Variants in DLG2 observed in about 807,000 individuals in gnomAD.
DLG2 encodes the protein disks large homolog 2.
DLG2 carries 45 observed loss-of-function variants against 132.5 expected under a neutral mutation model. The observed-to-expected ratio is 0.34, with a 90% CI of 0.27 to 0.44. The LOEUF is 0.44. Ranked by LOEUF, DLG2 falls within the 20% of genes least tolerant of loss-of-function variation. The pLI is 1.00. For synonymous variants in DLG2, 424 were observed against 419.6 expected (o/e 1.01, Z -0.13); for missense variants, 1,045 against 1,196.9 (o/e 0.87, Z 1.87).
intron 4 of DLG2, among the ~76,000 whole-genome samples, chr11:85,264,493 G>T (rs193226688): frequency 6.6e-6 from 1 of 152,302 alleles, no homozygotes; most frequent in East Asian, 1.9e-4. Context: ...CAACAGGACA[G>T]GTGTTTAGGT....
chr11:85,200,190 T>G (rs2081362278), intron 4 of DLG2, among the ~76,000 whole-genome samples: 1 of 152,132 alleles, frequency 6.6e-6, no homozygotes. Flanking sequence ...ACAATTGTGC[T>G]CCAGGGTTCA....
In DLG2 at chr11:84,298,962, T is replaced by C. The variant is rs531528656; in HGVS notation, c.520-47671A>G. On this transcript the variant is annotated intron_variant, in intron 7 of 27. Transcript: ENST00000376104. ...TGCTTTGCTAGGGAATCCAGTTTTA[T>C]TTTGTAAACTAGTGGTTGGCAATCT... 4.3e-4 allele frequency among the ~76,000 whole-genome samples: 65 copies of C among 152,344 alleles called. 1 individual carries two copies. The highest frequency in any genetic ancestry group is 1.5e-3 in the African/African-American group (63 of 41,582).
At chr11:85,442,769 C>A (rs970947671) in intron 3 of DLG2, among the ~76,000 whole-genome samples, 3 of 152,068 alleles carry the variant, frequency 2.0e-5, no homozygotes, top group African/African-American at 7.2e-5. Flanking sequence ...GTAGTCCCAG[C>A]TATTCAGGAA....
chr11:85,323,189 A>G (rs2081200828), intron 3 of DLG2, among the ~76,000 whole-genome samples: 1 of 152,186 alleles, frequency 6.6e-6, no homozygotes, highest in Admixed American at 6.5e-5. Flanking sequence ...TTGACCTAAT[A>G]TTAGTATTCT....
At chr11:84,354,788 T>C (rs1177599119) in intron 7 of DLG2, among the ~76,000 whole-genome samples, 1 of 152,124 alleles carries the variant, frequency 6.6e-6, no homozygotes, top group East Asian at 1.9e-4. Context: ...AAATGCGGTT[T>C]GACTAGGTTG....
At chr11:84,341,988 T>C (rs576251938) in intron 7 of DLG2, among the ~76,000 whole-genome samples, 1 of 152,348 alleles carries the variant, frequency 6.6e-6, no homozygotes, top group African/African-American at 2.4e-5. Flanking sequence ...CATTCTTTAA[T>C]TCAGTTACTT....
At chr11:84,940,488 C>T (rs1202098027) in intron 6 of DLG2, among the ~76,000 whole-genome samples, 3 of 152,150 alleles carry the variant, frequency 2.0e-5, no homozygotes, top group East Asian at 1.9e-4. Context: ...ATGTTGAGCA[C>T]CTTTTCAAAT....
chr11:84,909,600 G>T (rs762001961), intron 6 of DLG2, among the ~76,000 whole-genome samples: 1 of 151,918 alleles, frequency 6.6e-6, no homozygotes. Context: ...GGTCATCTAC[G>T]GCCCAATTAT....
At chr11:83,473,128 A>G (rs937426432) in intron 22 of DLG2, among the ~76,000 whole-genome samples, 1 of 152,130 alleles carries the variant, frequency 6.6e-6, no homozygotes, top group South Asian at 2.1e-4. Flanking sequence ...GTCCAATTCA[A>G]TAGATGGCTG....
intron 21 of DLG2, among the ~76,000 whole-genome samples, chr11:83,527,205 T>C (rs1192820459): frequency 6.6e-6 from 1 of 152,184 alleles, no homozygotes; most frequent in Non-Finnish European, 1.5e-5. Flanking sequence ...ATGCCCAAGT[T>C]AGGTTTTGAC....
At chr11:85,533,458 C>CAT (rs34379979) in intron 3 of DLG2, among the ~76,000 whole-genome samples, 26,690 of 141,996 alleles carry the variant, frequency 0.19, 2,736 homozygotes, top group Non-Finnish European at 0.25. Context: ...ACATAAAATA[C>CAT]ATATATATAT....
At chr11:83,900,201 C>T (rs2073027288) in intron 15 of DLG2, among the ~76,000 whole-genome samples, 1 of 152,098 alleles carries the variant, frequency 6.6e-6, no homozygotes, top group Admixed American at 6.5e-5. Context: ...GTTAAAGATA[C>T]TCAGTTTTAT....
intron 21 of DLG2, among the ~76,000 whole-genome samples, chr11:83,499,874 T>G (rs866991417): frequency 3.4e-5 from 4 of 119,172 alleles, no homozygotes; most frequent in Non-Finnish European, 6.9e-5. Flanking sequence ...TATATATATA[T>G]ATATATATAT....
intron 3 of DLG2, among the ~76,000 whole-genome samples, chr11:85,523,348 A>T (rs1261721608): frequency 6.6e-6 from 1 of 152,222 alleles, no homozygotes; most frequent in African/African-American, 2.4e-5. Context: ...AGGGATTAAT[A>T]ACCAGAATAT....
intron 6 of DLG2, among the ~76,000 whole-genome samples, chr11:84,645,815 G>A (rs2099674209): frequency 6.6e-6 from 1 of 152,160 alleles, no homozygotes; most frequent in Non-Finnish European, 1.5e-5. Flanking sequence ...AGCACCACAG[G>A]TGAATATTTC....
At position 84,026,398 on chromosome 11, in the gene DLG2, C is replaced by G. The variant is rs982515132; in HGVS notation, c.919+32917G>C. 3.3e-5 allele frequency among the ~76,000 whole-genome samples: 5 copies of G among 151,928 alleles called. No homozygotes were observed. In the East Asian group the frequency reaches 9.7e-4, roughly 29 times the overall value. On this transcript the variant is annotated intron_variant, in intron 11 of 27. Coordinates refer to ENST00000376104, the MANE Select transcript of DLG2 (RefSeq NM_001142699.3). Reference sequence around the variant, plus strand: ...TAGTTAGTATAATACAATACTGTGGCCTTATAACGATTAGACTTGTAAAAT... The same window carrying G: ...TAGTTAGTATAATACAATACTGTGGGCTTATAACGATTAGACTTGTAAAAT...
At chr11:85,274,940 A>G (rs755573269) in intron 4 of DLG2, among the ~76,000 whole-genome samples, 2 of 152,162 alleles carry the variant, frequency 1.3e-5, no homozygotes, top group Admixed American at 6.5e-5. Flanking sequence ...CTGTCCAGAC[A>G]TATTTCTACA....
At chr11:84,265,524 T>A (rs941617244) in intron 7 of DLG2, among the ~76,000 whole-genome samples, 15 of 152,162 alleles carry the variant, frequency 9.9e-5, no homozygotes, top group African/African-American at 3.4e-4. Context: ...GTCTTACTGT[T>A]TAACCATTTC....
At chr11:84,710,406 T>C (rs765864985) in intron 6 of DLG2, among the ~76,000 whole-genome samples, 4 of 151,774 alleles carry the variant, frequency 2.6e-5, no homozygotes, top group Non-Finnish European at 4.4e-5. Context: ...CAAATGGAGA[T>C]TTTCACCAAA....
Sources: allele counts gnomAD v4.1 joint callset (sites outside exome capture counted in the v4.1 genomes callset), GRCh38; gene constraint gnomAD v4.1.1; transcripts MANE v1.5; gene names NCBI Gene and HGNC (gene_info 2026-07-23, HGNC 2026-07-21).